MAGI1: variants seen among roughly 807,000 people sequenced by gnomAD.
MAGI1 encodes membrane associated guanylate kinase, WW and PDZ domain containing 1.
Under a neutral mutation model 139.9 loss-of-function variants are expected in MAGI1, and 58 were observed. The ratio of observed to expected loss-of-function variants is 0.41; its 90% CI spans 0.34 to 0.52. MAGI1 has a LOEUF of 0.52. Among genes scored for constraint, MAGI1 ranks in the 20% least tolerant of loss-of-function variants. The pLI, the probability that MAGI1 is intolerant of heterozygous loss-of-function variation, is 0.12. For missense variants in MAGI1, 1,874 were observed against 1,901.6 expected, an observed-to-expected ratio of 0.99 and a Z score of 0.27; for synonymous variants, 812 against 737.9, an observed-to-expected ratio of 1.10 and a Z score of -1.63.
At chr3:65,889,150 A>T (rs757666652) in intron 1 of MAGI1, among the ~76,000 whole-genome samples, 1 of 152,232 alleles carries the variant, frequency 6.6e-6, no homozygotes, top group African/African-American at 2.4e-5. Context: ...CCTCTAAAAG[A>T]CTGAAACCAC....
At chr3:65,581,462 T>C (rs1307381609) in intron 2 of MAGI1, among the ~76,000 whole-genome samples, 1 of 152,164 alleles carries the variant, frequency 6.6e-6, no homozygotes. Flanking sequence ...GATTCTCTAT[T>C]ACTGCTTTAA....
intron 10 of MAGI1, among the ~76,000 whole-genome samples, chr3:65,434,679 A>G (rs1947707403): frequency 6.6e-6 from 1 of 152,208 alleles, no homozygotes; most frequent in East Asian, 1.9e-4. Context: ...GTTATAACCA[A>G]TGAGGCTAAA....
intron 2 of MAGI1, among the ~76,000 whole-genome samples, chr3:65,563,242 G>C (rs1325097973): frequency 6.6e-6 from 1 of 152,050 alleles, no homozygotes; most frequent in Non-Finnish European, 1.5e-5. Flanking sequence ...TATTGTTAGA[G>C]TAACAATGAT....
intron 1 of MAGI1, among the ~76,000 whole-genome samples, chr3:65,783,949 C>T (rs1161387327): frequency 6.6e-6 from 1 of 151,846 alleles, no homozygotes; most frequent in African/African-American, 2.4e-5. Flanking sequence ...ACAGTGAAAC[C>T]CCATCTCTAC....
At chr3:65,972,631 C>G (rs908816803) in intron 1 of MAGI1, among the ~76,000 whole-genome samples, 1 of 152,032 alleles carries the variant, frequency 6.6e-6, no homozygotes, top group African/African-American at 2.4e-5. Flanking sequence ...TATGATCCCC[C>G]CTGAAGGGCT....
chr3:65,785,813 A>G (rs549300697), intron 1 of MAGI1, among the ~76,000 whole-genome samples: 27 of 152,310 alleles, frequency 1.8e-4, no homozygotes, highest in African/African-American at 6.3e-4. Flanking sequence ...ACCAAACATC[A>G]CAATCATTTC....
At chr3:65,416,102 T>G (rs1273553535) in intron 12 of MAGI1, among the ~76,000 whole-genome samples, 3 of 152,098 alleles carry the variant, frequency 2.0e-5, no homozygotes, top group Non-Finnish European at 2.9e-5. Flanking sequence ...TAATTCCAAC[T>G]ATTTCCAAGC....
At chr3:65,836,708 A>G (rs2042825421) in intron 1 of MAGI1, among the ~76,000 whole-genome samples, 1 of 151,930 alleles carries the variant, frequency 6.6e-6, no homozygotes, top group Non-Finnish European at 1.5e-5. Context: ...AATCCCAGCT[A>G]CTCGGGTGGC....
At chr3:65,936,909 T>TGG (rs2063081086) in intron 1 of MAGI1, among the ~76,000 whole-genome samples, 1 of 136,586 alleles carries the variant, frequency 7.3e-6, no homozygotes, top group Non-Finnish European at 1.6e-5. Flanking sequence ...AAAGTTGTTG[T>TGG]TGTTGTTGTT....
intron 1 of MAGI1, among the ~76,000 whole-genome samples, chr3:65,955,818 A>C (rs115934288): frequency 0.03 from 4,580 of 152,088 alleles, 232 homozygotes; most frequent in African/African-American, 0.11. Flanking sequence ...GGGAAAAACA[A>C]CACCACTGAG....
intron 1 of MAGI1, among the ~76,000 whole-genome samples, chr3:65,740,927 T>C (rs997030014): frequency 1.3e-5 from 2 of 152,196 alleles, no homozygotes; most frequent in African/African-American, 4.8e-5. Context: ...TTTTTCCTTC[T>C]TTATGCTTTT....
At chr3:65,675,563 C>T (rs1198463852) in intron 1 of MAGI1, among the ~76,000 whole-genome samples, 1 of 152,010 alleles carries the variant, frequency 6.6e-6, no homozygotes, top group African/African-American at 2.4e-5. Flanking sequence ...ATGAATTCAC[C>T]AGTGTATTAA....
intron 1 of MAGI1, among the ~76,000 whole-genome samples, chr3:65,716,953 C>A (rs1191038154): frequency 1.3e-5 from 2 of 152,132 alleles, no homozygotes. Context: ...AATAATGGCT[C>A]CCCAAATACG....
chr3:65,600,298 A>T (rs776969001), intron 2 of MAGI1, among the ~76,000 whole-genome samples: 2 of 152,206 alleles, frequency 1.3e-5, no homozygotes, highest in Non-Finnish European at 2.9e-5. Context: ...GTATTCAAGG[A>T]TGTAGCTTTC....
At chr3:65,625,739 A>G (rs557522628) in intron 1 of MAGI1, among the ~76,000 whole-genome samples, 27 of 152,344 alleles carry the variant, frequency 1.8e-4, no homozygotes, top group Middle Eastern at 3.4e-3. Context: ...AAAAAAATCC[A>G]TGCAAACCAA....
chr3:65,793,710 G>A (rs1042751022), intron 1 of MAGI1, among the ~76,000 whole-genome samples: 3 of 152,102 alleles, frequency 2.0e-5, no homozygotes, highest in African/African-American at 7.3e-5. Flanking sequence ...ATCTGTCTGG[G>A]AGGACTGCAT....
At chr3:65,941,385 C>T (rs981387170) in intron 1 of MAGI1, among the ~76,000 whole-genome samples, 1 of 152,014 alleles carries the variant, frequency 6.6e-6, no homozygotes, top group Non-Finnish European at 1.5e-5. Flanking sequence ...TAGTTAAAAC[C>T]AAGACAGTTC....
At chr3:65,943,781 T>C (rs1488788382) in intron 1 of MAGI1, among the ~76,000 whole-genome samples, 3 of 152,186 alleles carry the variant, frequency 2.0e-5, no homozygotes, top group African/African-American at 7.2e-5. Context: ...AAGAATATTC[T>C]GTAGAGAAGC....
chr3:65,453,986 A>T (rs1575806271), intron 5 of MAGI1, among the ~76,000 whole-genome samples: 1 of 152,362 alleles, frequency 6.6e-6, no homozygotes, highest in Non-Finnish European at 1.5e-5. Context: ...GATAAAGTTC[A>T]ATTCTAGATG....
Sources: allele counts gnomAD v4.1 joint callset (sites outside exome capture counted in the v4.1 genomes callset), GRCh38; gene constraint gnomAD v4.1.1; transcripts MANE v1.5; gene names NCBI Gene and HGNC (gene_info 2026-07-23, HGNC 2026-07-21).